Variants in STK32C observed in about 807,000 individuals in gnomAD.
The protein encoded by STK32C is serine/threonine kinase 32C, also known as serine/threonine-protein kinase 32C.
A neutral mutation model predicts 56.5 loss-of-function variants in STK32C; 31 were observed. The ratio of observed to expected loss-of-function variants is 0.55; its 90% CI spans 0.41 to 0.74. The LOEUF (loss-of-function observed/expected upper bound fraction) is 0.74. STK32C is among the 30% of genes least tolerant of loss of function. The pLI is 0.00. For synonymous variants in STK32C, 309 were observed against 289.4 expected (o/e 1.07, Z -0.69); for missense variants, 544 against 676.9 (o/e 0.80, Z 2.18).
At chr10:132,265,102 C>T (rs960119679) in intron 1 of STK32C, among the ~76,000 whole-genome samples, 1 of 101,620 alleles carries the variant, frequency 9.8e-6, no homozygotes, top group African/African-American at 2.8e-5. Context: ...GCCTCAAGGG[C>T]GGTGAGGTGG....
At chr10:132,263,865 C>CAAAAAAAAAAAA (rs71472732) in intron 1 of STK32C, among the ~76,000 whole-genome samples, 1 of 75,926 alleles carries the variant, frequency 1.3e-5, no homozygotes, top group Non-Finnish European at 2.5e-5. Context: ...GACTCCATCT[C>CAAAAAAAAAAAA]AAAAAAAAAA....
At chr10:132,277,877 C>G (rs1016405314) in intron 1 of STK32C, among the ~76,000 whole-genome samples, 1 of 152,168 alleles carries the variant, frequency 6.6e-6, no homozygotes, top group Non-Finnish European at 1.5e-5. Flanking sequence ...TTGGCTGTCT[C>G]GGTGCAGGGC....
chr10:132,282,438 T>G (rs2065242470), intron 1 of STK32C, among the ~76,000 whole-genome samples: 1 of 151,830 alleles, frequency 6.6e-6, no homozygotes, highest in South Asian at 2.1e-4. Context: ...TGCGCCCACC[T>G]GTACCTGCAC....
rs2066119817 is a variant in STK32C, at chr10:132,307,650, T to A, written c.184A>T (p.Ser62Cys). The part of the protein sequence containing the change: ...RSQPRPLFQW[S>C]KWKKRMGSSM... ...GAGCCCATCCTCTTCTTCCACTTGC[T>A]CCACTGAAACAGGGGGCGCGGCTGC... is the stretch of plus-strand genomic sequence containing the variant. The change falls in exon 1 of 12, where the codon AGC becomes TGC. Residue 62 changes from serine to cysteine, a missense_variant. This residue lies in a region of STK32C where 182 missense variants were observed against 217.7 expected (regional missense o/e 0.84). Coordinates refer to ENST00000298630, the MANE Select transcript of STK32C (RefSeq NM_173575.4). The surrounding 1 kb of genome is among the most constrained non-coding windows in gnomAD (Gnocchi z 4.4). 1 of 1,542,526 alleles carries A rather than the reference T, an allele frequency of 6.5e-7. No individual in the cohort carries two copies. The highest frequency in any genetic ancestry group is 1.4e-5 in the African/African-American group (1 of 69,594).
intron 1 of STK32C, among the ~76,000 whole-genome samples, chr10:132,305,673 A>C (rs1183641044): frequency 6.6e-6 from 1 of 152,146 alleles, no homozygotes; most frequent in Non-Finnish European, 1.5e-5. Context: ...CACCAACACG[A>C]GTCCCCGGCA....
intron 1 of STK32C, among the ~76,000 whole-genome samples, chr10:132,286,289 T>C (rs1336750507): frequency 6.6e-6 from 1 of 152,220 alleles, no homozygotes; most frequent in Non-Finnish European, 1.5e-5. Flanking sequence ...GAGCTCATTA[T>C]TAAAATCTTC....
chr10:132,263,233 T>C (rs1344868571), intron 1 of STK32C, among the ~76,000 whole-genome samples: 1 of 152,202 alleles, frequency 6.6e-6, no homozygotes, highest in Non-Finnish European at 1.5e-5. Flanking sequence ...ACGCAGTACC[T>C]ATACACCATG....
chr10:132,269,410 G>T (rs543706654), intron 1 of STK32C, among the ~76,000 whole-genome samples: 1 of 152,272 alleles, frequency 6.6e-6, no homozygotes, highest in East Asian at 1.9e-4. Flanking sequence ...TCCACTGGCC[G>T]CACCGGATCT....
chr10:132,289,138 T>C (rs2065496059), intron 1 of STK32C, among the ~76,000 whole-genome samples: 1 of 152,340 alleles, frequency 6.6e-6, no homozygotes, highest in African/African-American at 2.4e-5. Flanking sequence ...ATACTGGTTT[T>C]TGACAAAAGC....
chr10:132,256,877 G>A (rs1050664387), intron 1 of STK32C, among the ~76,000 whole-genome samples: 4 of 152,216 alleles, frequency 2.6e-5, no homozygotes, highest in Non-Finnish European at 4.4e-5. Flanking sequence ...CTCGGGGTGG[G>A]GCTTGGGGTT....
At chr10:132,215,153 G>T (rs1334792434) in intron 10 of STK32C, among the ~76,000 whole-genome samples, 1 of 152,146 alleles carries the variant, frequency 6.6e-6, no homozygotes, top group Non-Finnish European at 1.5e-5. Context: ...TGCGTAGCTG[G>T]TATCACAGGT....
intron 10 of STK32C, among the ~76,000 whole-genome samples, chr10:132,216,859 C>T (rs2062488175): frequency 1.3e-5 from 2 of 152,212 alleles, no homozygotes; most frequent in Admixed American, 1.3e-4. Flanking sequence ...GGAGCCTCTG[C>T]CTGCATTTCA....
chr10:132,210,974 G>T (rs1022913447), intron 10 of STK32C, among the ~76,000 whole-genome samples: 3 of 152,210 alleles, frequency 2.0e-5, no homozygotes, highest in African/African-American at 7.2e-5. Context: ...GGTGTGAGCG[G>T]CCAGCACCTT....
intron 1 of STK32C, among the ~76,000 whole-genome samples, chr10:132,300,757 G>C (rs573037468): frequency 6.6e-6 from 1 of 152,136 alleles, no homozygotes; most frequent in African/African-American, 2.4e-5. Context: ...ATACCACCCC[G>C]GGTGGCCACT....
chr10:132,213,420 G>C (rs1029167960), intron 10 of STK32C, among the ~76,000 whole-genome samples: 1 of 152,250 alleles, frequency 6.6e-6, no homozygotes, highest in African/African-American at 2.4e-5. Flanking sequence ...CTCTCTCTGA[G>C]GAGGAGGATT....
upstream of STK32C, chr10:132,331,882 C>A (rs2066774344): frequency 6.7e-6 from 7 of 1,044,908 alleles, no homozygotes; most frequent in Non-Finnish European, 9.5e-6. Context: ...CGCAGGCGCA[C>A]CACCCCCTGC....
chr10:132,324,312 T>C (rs1444381944), exon 2 of STK32C: 2 of 779,782 alleles, frequency 2.6e-6, no homozygotes, highest in Admixed American at 3.4e-5. Flanking sequence ...GCTTCTTGTC[T>C]TTCCACACCA....
At chr10:132,276,785 C>CAA (rs67801075) in intron 1 of STK32C, among the ~76,000 whole-genome samples, 30,653 of 142,762 alleles carry the variant, frequency 0.21, 3,917 homozygotes, top group Non-Finnish European at 0.31. Flanking sequence ...GACCCTGCCT[C>CAA]AAAAAAAAAA....
intron 1 of STK32C, among the ~76,000 whole-genome samples, chr10:132,281,005 C>T (rs1248469916): frequency 6.0e-5 from 9 of 149,596 alleles, no homozygotes; most frequent in South Asian, 2.1e-4. Flanking sequence ...TCCGTGATCA[C>T]GCCCCTGCAC....
Sources: gnomAD v4.1 joint callset for allele counts (sites outside exome capture counted in the v4.1 genomes callset) on GRCh38, gnomAD v4.1.1 for gene constraint, gnomAD v4.1.1 regional missense constraint, Gnocchi (gnomAD v3.1) non-coding constraint, MANE v1.5 for transcripts, NCBI Gene and HGNC (gene_info 2026-07-23, HGNC 2026-07-21) for gene names.